The following SH3RF3 variants were observed in gnomAD, a reference collection of about 807,000 sequenced individuals.
SH3RF3 encodes the protein E3 ubiquitin-protein ligase SH3RF3.
In SH3RF3, 29 loss-of-function variants were observed where a neutral mutation model predicts 66.3. The ratio of observed to expected loss-of-function variants is 0.44; its 90% CI spans 0.33 to 0.60. The LOEUF is 0.60. Ranked by LOEUF, SH3RF3 falls within the 20% of genes least tolerant of loss-of-function variation. The pLI is 0.04. For missense variants in SH3RF3, 1,194 were observed against 1,190.9 expected, an observed-to-expected ratio of 1.00 and a Z score of -0.04; for synonymous variants, 583 against 532.0, an observed-to-expected ratio of 1.10 and a Z score of -1.32.
chr2:109,216,985 CT>C (rs1679114740), intron 1 of SH3RF3, among the ~76,000 whole-genome samples: 1 of 152,168 alleles, frequency 6.6e-6, no homozygotes, highest in Non-Finnish European at 1.5e-5. Context: ...CACTCTTCTA[CT>C]TTGTTTCTTT....
chr2:109,386,259 C>G (rs1675819910), intron 3 of SH3RF3, among the ~76,000 whole-genome samples: 1 of 152,216 alleles, frequency 6.6e-6, no homozygotes, highest in East Asian at 1.9e-4. Flanking sequence ...GGCCTAGCCC[C>G]TGTGGATCTC....
chr2:109,337,957 C>T (rs1193975826), intron 1 of SH3RF3, among the ~76,000 whole-genome samples: 1 of 151,958 alleles, frequency 6.6e-6, no homozygotes, highest in African/African-American at 2.4e-5. Flanking sequence ...GTCTGGAACT[C>T]CTGAGTTCAA....
chr2:109,404,059 G>T (rs34219503), intron 4 of SH3RF3, among the ~76,000 whole-genome samples: 45,171 of 152,110 alleles, frequency 0.3, 8,313 homozygotes, highest in Non-Finnish European at 0.41. Context: ...ACTGCTTTCT[G>T]CTCCAGGAGC....
chr2:109,249,471 T>C (rs138834723), intron 1 of SH3RF3, among the ~76,000 whole-genome samples: 2,323 of 23,142 alleles, frequency 0.1, 65 homozygotes, highest in African/African-American at 0.31. Flanking sequence ...CTCTTTCTCT[T>C]TCTTTCTTTC....
At chr2:109,276,354 G>A (rs1680757835) in intron 1 of SH3RF3, among the ~76,000 whole-genome samples, 1 of 152,242 alleles carries the variant, frequency 6.6e-6, no homozygotes. Flanking sequence ...TGGCAAATAT[G>A]TGTCCCGTAG....
At chr2:109,314,194 A>G (rs1316853407) in intron 1 of SH3RF3, among the ~76,000 whole-genome samples, 1 of 152,216 alleles carries the variant, frequency 6.6e-6, no homozygotes, top group Non-Finnish European at 1.5e-5. Flanking sequence ...GTGGGTGTCC[A>G]GAGATGGGGG....
intron 4 of SH3RF3, among the ~76,000 whole-genome samples, chr2:109,418,998 C>T (rs1676799409): frequency 6.6e-6 from 1 of 152,076 alleles, no homozygotes. Context: ...CGGGTCATCT[C>T]CTTGCTTAAA....
At chr2:109,231,664 T>C (rs375094957) in intron 1 of SH3RF3, among the ~76,000 whole-genome samples, 8 of 152,326 alleles carry the variant, frequency 5.3e-5, no homozygotes, top group African/African-American at 1.9e-4. Context: ...ATACTAACAT[T>C]AGCCTAAGTA....
At chr2:109,226,795 C>G (rs1312524103) in intron 1 of SH3RF3, among the ~76,000 whole-genome samples, 1 of 152,146 alleles carries the variant, frequency 6.6e-6, no homozygotes, top group Non-Finnish European at 1.5e-5. Context: ...GAACTTGTGG[C>G]TTAGTAAGAA....
chr2:109,292,364 A>G lies in SH3RF3; in HGVS notation c.574-55310A>G, dbSNP rs896990959. On this transcript the variant is annotated intron_variant, in intron 1 of 9. Coordinates refer to ENST00000309415, the MANE Select transcript of SH3RF3 (RefSeq NM_001099289.3). ...GTTTTTCAAACATGGCTGGGATCAT[A>G]TAAACATGAAGTTTTGTATCCTGGT... 3.3e-5 allele frequency among the ~76,000 whole-genome samples: 5 copies of G among 152,342 alleles called. No homozygotes were observed. In the East Asian group the frequency reaches 9.6e-4, roughly 29 times the overall value.
At chr2:109,494,276 T>A (rs1679199761) in intron 9 of SH3RF3, among the ~76,000 whole-genome samples, 1 of 148,544 alleles carries the variant, frequency 6.7e-6, no homozygotes, top group South Asian at 2.1e-4. Context: ...CAGGGGTCAT[T>A]GTACCCAGAG....
chr2:109,359,050 G>T (rs1275135216), intron 2 of SH3RF3, among the ~76,000 whole-genome samples: 1 of 152,018 alleles, frequency 6.6e-6, no homozygotes, highest in African/African-American at 2.4e-5. Flanking sequence ...TTTCTCCATT[G>T]TATTGTCTTT....
chr2:109,375,662 A>G (rs1683365565), intron 3 of SH3RF3, among the ~76,000 whole-genome samples: 1 of 152,190 alleles, frequency 6.6e-6, no homozygotes, highest in African/African-American at 2.4e-5. Context: ...TCACAGGAGG[A>G]TGGCAGGCGA....
chr2:109,354,055 A>G (rs1189181210), intron 2 of SH3RF3, among the ~76,000 whole-genome samples: 1 of 152,212 alleles, frequency 6.6e-6, no homozygotes, highest in African/African-American at 2.4e-5. Flanking sequence ...GATGGTGGCT[A>G]ACAGTTCCAT....
At chr2:109,429,097 C>G (rs1209746384) in intron 5 of SH3RF3, among the ~76,000 whole-genome samples, 3 of 152,102 alleles carry the variant, frequency 2.0e-5, no homozygotes, top group Admixed American at 6.5e-5. Flanking sequence ...CGGCAGAGAC[C>G]CTGAGAGGTG....
intron 1 of SH3RF3, among the ~76,000 whole-genome samples, chr2:109,180,506 A>T (rs543658273): frequency 6.6e-6 from 1 of 152,110 alleles, no homozygotes; most frequent in East Asian, 1.9e-4. Context: ...CTCATCTTGA[A>T]TTGTACTCTC....
At chr2:109,349,048 G>C (rs1031016077) in intron 2 of SH3RF3, among the ~76,000 whole-genome samples, 1 of 151,650 alleles carries the variant, frequency 6.6e-6, no homozygotes, top group African/African-American at 2.4e-5. Context: ...ACACACACAC[G>C]CACAGAGTTG....
At chr2:109,189,172 G>A (rs897806096) in intron 1 of SH3RF3, among the ~76,000 whole-genome samples, 1 of 151,700 alleles carries the variant, frequency 6.6e-6, no homozygotes, top group Non-Finnish European at 1.5e-5. Context: ...GTGTTTCTTC[G>A]GGGATGGAAA....
chr2:109,492,301 G>A (rs141346223), intron 9 of SH3RF3, among the ~76,000 whole-genome samples: 92,557 of 152,116 alleles, frequency 0.61, 29,008 homozygotes, highest in Middle Eastern at 0.78. Context: ...CAGTTTGCCA[G>A]CCCTGACAGA....
Sources: allele counts gnomAD v4.1 joint callset (sites outside exome capture counted in the v4.1 genomes callset), GRCh38; gene constraint gnomAD v4.1.1; transcripts MANE v1.5; gene names NCBI Gene and HGNC (gene_info 2026-07-23, HGNC 2026-07-21).